Variants in TPPP observed in about 807,000 individuals in gnomAD.
The protein encoded by TPPP is tubulin polymerization promoting protein, also known as tubulin polymerization-promoting protein.
TPPP carries 6 observed loss-of-function variants against 15.5 expected under a neutral mutation model. The observed-to-expected ratio is 0.39, with a 90% CI of 0.21 to 0.77. The LOEUF (loss-of-function observed/expected upper bound fraction) is 0.77. TPPP is among the 30% of genes least tolerant of loss of function. TPPP has a pLI of 0.42. For synonymous variants in TPPP, 146 were observed against 133.9 expected, an observed-to-expected ratio of 1.09 and a Z score of -0.63; for missense variants, 269 against 307.2, an observed-to-expected ratio of 0.88 and a Z score of 0.93.
At chr5:685,325 G>T (rs1483240461) in intron 1 of TPPP, among the ~76,000 whole-genome samples, 1 of 152,332 alleles carries the variant, frequency 6.6e-6, no homozygotes, top group East Asian at 1.9e-4. Flanking sequence ...AAGGAAGTGG[G>T]AGGAGGAGGG....
chr5:678,960 G>A (rs1390290396), intron 1 of TPPP, among the ~76,000 whole-genome samples: 1 of 152,070 alleles, frequency 6.6e-6, no homozygotes, highest in Admixed American at 6.5e-5. Flanking sequence ...CAAGGCTGAG[G>A]TGCTGGACTC....
Position 669,482 on chromosome 5 carries a change from C to T in TPPP, c.312-3359G>A, listed in dbSNP as rs367687427. 2.6e-5 allele frequency among the ~76,000 whole-genome samples: 4 copies of T among 152,118 alleles called. No homozygotes were observed. The South Asian group carries it at 6.2e-4, about 24-fold the overall frequency. Reference sequence around the variant, plus strand: ...CTGTGGGGGTGTTGACTCTCTGGGGCCCTTGGGGCCTCTGTCTGTCCTGGG... The same window carrying T: ...CTGTGGGGGTGTTGACTCTCTGGGGTCCTTGGGGCCTCTGTCTGTCCTGGG... On this transcript the variant is annotated intron_variant, in intron 2 of 3. Transcript: ENST00000360578.
Position 685,907 on chromosome 5 carries a change from T to C in TPPP, c.-5+7371A>G, listed in dbSNP as rs188016448. 4.6e-5 allele frequency among the ~76,000 whole-genome samples: 7 copies of C among 152,170 alleles called. No individual in the cohort carries two copies. The East Asian group carries it at 1.4e-3, about 29-fold the overall frequency. On this transcript the variant is annotated intron_variant, in intron 1 of 3. Transcript: ENST00000360578. The stretch of plus-strand genomic sequence containing the variant: ...GAGACGCAGGTGGGAGGATGGAACA[T>C]TCCAGAGCACTATGGCTGAGTATCC...
At chr5:669,225 C>G (rs983739624) in intron 2 of TPPP, among the ~76,000 whole-genome samples, 19 of 152,300 alleles carry the variant, frequency 1.2e-4, no homozygotes, top group Middle Eastern at 3.4e-3. Context: ...CATTCCAGAC[C>G]CGCCGGCCAT....
chr5:666,027 G>T lies in TPPP; in HGVS notation c.408C>A (p.Ala136=), dbSNP rs529736782. The T allele has an allele frequency of 1.9e-6, 3 of 1,601,042 alleles. No homozygotes were observed. The highest frequency in any genetic ancestry group is 1.7e-6 in the Non-Finnish European group (2 of 1,173,916). ...CGATGAGCCTGTGCACCTCGCGAAC[G>T]GCCTCCTCGCTGCTCTTGTCTTTGA... ...KRFKDKSSEE[A]VREVHRLIEG... The change falls in exon 3 of 4, where the codon GCC becomes GCA. Residue 136 remains alanine, a synonymous_variant. Transcript: ENST00000360578.
rs573187864 is a variant in TPPP at position 681,019 on chromosome 5, C to T, written c.-4-2955G>A. Among the ~76,000 whole-genome samples the T allele has an allele frequency of 7.2e-5, 11 of 152,286 alleles. No individual in the cohort carries two copies. In the East Asian group the frequency reaches 1.2e-3, roughly 16 times the overall value. On this transcript the variant is annotated intron_variant, in intron 1 of 3. Coordinates refer to ENST00000360578, the MANE Select transcript of TPPP (RefSeq NM_007030.3). ...GACCCACGTGCTGTTTCCACAATGACGGTAATAAGAATACATTTAATTTTG... is the reference window on the plus strand; with the variant it reads ...GACCCACGTGCTGTTTCCACAATGATGGTAATAAGAATACATTTAATTTTG...
chr5:697,461 G>A (rs1404049986), upstream of TPPP, among the ~76,000 whole-genome samples: 5 of 152,156 alleles, frequency 3.3e-5, no homozygotes, highest in East Asian at 1.9e-4. Flanking sequence ...GCAGAGACAC[G>A]GAGGACCAGA....
At chr5:671,746 C>T (rs952144698) in intron 2 of TPPP, among the ~76,000 whole-genome samples, 3 of 152,242 alleles carry the variant, frequency 2.0e-5, no homozygotes, top group African/African-American at 7.2e-5. Context: ...GTTCATCCTG[C>T]CCTGCCAGGC....
At chr5:699,534 A>C in the TPPP span, among the ~76,000 whole-genome samples, 3 of 152,218 alleles carry the variant, frequency 2.0e-5, no homozygotes, top group Admixed American at 1.3e-4. Flanking sequence ...AAACTTAGGA[A>C]AAATTCTTCT....
chr5:674,468 C>T (rs558676986), intron 2 of TPPP, among the ~76,000 whole-genome samples: 54 of 151,444 alleles, frequency 3.6e-4, no homozygotes, highest in Non-Finnish European at 5.6e-4. Context: ...TAAATATAGC[C>T]GACCCAGTTT....
At chr5:686,805 G>A (rs1036076104) in intron 1 of TPPP, among the ~76,000 whole-genome samples, 3 of 144,578 alleles carry the variant, frequency 2.1e-5, no homozygotes, top group East Asian at 1.9e-4. Flanking sequence ...CCCCATTGTG[G>A]TGGCATTAAC....
chr5:668,612 C>T lies in TPPP; in HGVS notation c.312-2489G>A, dbSNP rs559838522. Reference sequence around the variant, plus strand: ...GGTGGGGGCCTCGTCCACACCCGGCCGAGCAACGCGGCAGAGCCACTGTGG... The same window carrying T: ...GGTGGGGGCCTCGTCCACACCCGGCTGAGCAACGCGGCAGAGCCACTGTGG... On this transcript the variant is annotated intron_variant, in intron 2 of 3. Transcript: ENST00000360578. Among the ~76,000 whole-genome samples, 9 of 152,350 alleles carry T rather than the reference C, an allele frequency of 5.9e-5. No individual in the cohort carries two copies. The South Asian group carries it at 6.2e-4, about 11-fold the overall frequency.
At chr5:675,485 GGTACATT>G (rs1740396098) in intron 2 of TPPP, among the ~76,000 whole-genome samples, 1 of 142,428 alleles carries the variant, frequency 7.0e-6, no homozygotes, top group African/African-American at 2.7e-5. Context: ...TGTGGCCAGG[GGTACATT>G]GTGGCCGGGG....
At chr5:693,760 T>G (rs1225785298), upstream of TPPP, among the ~76,000 whole-genome samples, 7 of 144,784 alleles carry the variant, frequency 4.8e-5, no homozygotes, top group South Asian at 2.3e-4. Flanking sequence ...CGCGGCCTCC[T>G]GGGGTGGGGT....
upstream of TPPP, among the ~76,000 whole-genome samples, chr5:693,639 G>A (rs550634850): frequency 2.0e-5 from 3 of 151,640 alleles, no homozygotes; most frequent in African/African-American, 7.3e-5. Flanking sequence ...TGGGCAGGGG[G>A]CGGCGGGGCC....
At chr5:676,548 T>TACATC (rs559726423) in intron 2 of TPPP, 26,042 of 152,126 alleles carry the variant, frequency 0.17, 4,152 homozygotes, top group African/African-American at 0.43. Context: ...AGGAATGAAA[T>TACATC]ACATCGGCCA....
the TPPP span, among the ~76,000 whole-genome samples, chr5:699,164 G>T: frequency 6.6e-6 from 1 of 151,930 alleles, no homozygotes; most frequent in African/African-American, 2.4e-5. Context: ...AACCCAAAAA[G>T]AGCCCAACTA....
At chr5:699,948 T>C in the TPPP span, among the ~76,000 whole-genome samples, 852 of 151,690 alleles carry the variant, frequency 5.6e-3, 1 homozygote, top group African/African-American at 0.02. Flanking sequence ...AAGTAAGAGA[T>C]TTTAGTGAAG....
chr5:668,451 C>G (rs1053208325), intron 2 of TPPP, among the ~76,000 whole-genome samples: 1 of 132,408 alleles, frequency 7.6e-6, no homozygotes, highest in African/African-American at 2.7e-5. Context: ...GAAGTGCGGA[C>G]AAGCACACGG....
Sources: allele counts gnomAD v4.1 joint callset (sites outside exome capture counted in the v4.1 genomes callset), GRCh38; gene constraint gnomAD v4.1.1; transcripts MANE v1.5; gene names NCBI Gene and HGNC (gene_info 2026-07-23, HGNC 2026-07-21).